CD96: variants seen among roughly 807,000 people sequenced by gnomAD.
CD96 encodes T-cell surface protein tactile.
CD96 carries 70 observed loss-of-function variants against 71.3 expected under a neutral mutation model. The observed-to-expected ratio is 0.98, with a 90% CI of 0.81 to 1.20. CD96 has a LOEUF of 1.20. Ranked by LOEUF, CD96 falls within the 50% of genes most tolerant of loss-of-function variation. CD96 has a pLI of 0.00. For synonymous variants in CD96, 248 were observed against 233.0 expected (o/e 1.06, Z -0.59); for missense variants, 742 against 677.5 (o/e 1.10, Z -1.06).
At chr3:111,640,097 C>T (rs145682886) in intron 12 of CD96, among the ~76,000 whole-genome samples, 2 of 152,128 alleles carry the variant, frequency 1.3e-5, no homozygotes, top group Non-Finnish European at 2.9e-5. Flanking sequence ...AAACAATCAT[C>T]CTAGTTCACC....
Position 111,596,181 on chromosome 3 carries a change from A to G in CD96, c.808-1939A>G, listed in dbSNP as rs1348203365. ...TGTCTCAAAAAAATAAATAAATAAAATGAATAAATAAAAATAAAAAAAGAA... is the reference window on the plus strand; with the variant it reads ...TGTCTCAAAAAAATAAATAAATAAAGTGAATAAATAAAAATAAAAAAAGAA... On this transcript the variant is annotated intron_variant, in intron 5 of 13. Coordinates refer to ENST00000352690, the MANE Select transcript of CD96 (RefSeq NM_005816.5). Among the ~76,000 whole-genome samples, 3 of 151,954 alleles carry G rather than the reference A, an allele frequency of 2.0e-5. No individual in the cohort carries two copies. The East Asian group carries it at 5.8e-4, about 29-fold the overall frequency.
At chr3:111,602,577 T>A (rs1003929008) in intron 7 of CD96, among the ~76,000 whole-genome samples, 2 of 152,222 alleles carry the variant, frequency 1.3e-5, no homozygotes, top group African/African-American at 4.8e-5. Context: ...TGTGACTGAC[T>A]TAGAAGATGT....
chr3:111,641,863 A>G (rs1029988878), intron 12 of CD96, among the ~76,000 whole-genome samples: 1 of 152,242 alleles, frequency 6.6e-6, no homozygotes, highest in Non-Finnish European at 1.5e-5. Context: ...AACCACGCAA[A>G]TACACGAAAA....
At chr3:111,561,908 G>A (rs1391234711) in intron 2 of CD96, among the ~76,000 whole-genome samples, 1 of 150,096 alleles carries the variant, frequency 6.7e-6, no homozygotes, top group Non-Finnish European at 1.5e-5. Flanking sequence ...ATATAGTCTC[G>A]TGGTGCGCCG....
At chr3:111,614,213 G>T (rs978445542) in intron 8 of CD96, among the ~76,000 whole-genome samples, 1 of 152,142 alleles carries the variant, frequency 6.6e-6, no homozygotes, top group Non-Finnish European at 1.5e-5. Context: ...ACTTGGAAAC[G>T]CTGGGATATG....
At chr3:111,652,746 C>T (rs1295317706), downstream of CD96, among the ~76,000 whole-genome samples, 1 of 152,014 alleles carries the variant, frequency 6.6e-6, no homozygotes, top group Admixed American at 6.6e-5. Flanking sequence ...AGAGGGGCTC[C>T]AGTTGCCTTT....
intron 2 of CD96, among the ~76,000 whole-genome samples, chr3:111,561,350 T>A (rs989219435): frequency 3.4e-5 from 5 of 148,962 alleles, no homozygotes; most frequent in Non-Finnish European, 7.5e-5. Context: ...TTATCTACTT[T>A]CGGTCTTTGA....
chr3:111,603,855 G>A (rs924014901), intron 7 of CD96, among the ~76,000 whole-genome samples: 4 of 152,202 alleles, frequency 2.6e-5, no homozygotes, highest in Admixed American at 1.3e-4. Flanking sequence ...TGTGGAAGAT[G>A]CCAGACAAAT....
intron 3 of CD96, among the ~76,000 whole-genome samples, chr3:111,572,136 TACA>T (rs995534626): frequency 1.6e-4 from 24 of 152,166 alleles, no homozygotes; most frequent in Admixed American, 1.6e-3. Context: ...TACCCGCACG[TACA>T]ACAATAGCAC....
chr3:111,644,606 C>T (rs903321806), intron 12 of CD96, among the ~76,000 whole-genome samples: 11 of 152,010 alleles, frequency 7.2e-5, no homozygotes, highest in African/African-American at 2.4e-4. Flanking sequence ...AAAACCTTCA[C>T]AATCTATACT....
chr3:111,624,519 A>G (rs1486183505), intron 10 of CD96, 115 bp downstream of exon 10: 1 of 740,648 alleles, frequency 1.4e-6, no homozygotes, highest in Non-Finnish European at 2.4e-6. Context: ...ATGTTCACAA[A>G]GCATCTATCA....
chr3:111,561,522 G>A (rs1325589811), intron 2 of CD96, among the ~76,000 whole-genome samples: 2 of 147,864 alleles, frequency 1.4e-5, no homozygotes, highest in Non-Finnish European at 3.0e-5. Flanking sequence ...AGGCTGCTCG[G>A]GGGTCAGGGG....
At chr3:111,612,252 TA>T (rs1428617897) in intron 8 of CD96, among the ~76,000 whole-genome samples, 2 of 152,122 alleles carry the variant, frequency 1.3e-5, no homozygotes, top group African/African-American at 4.8e-5. Flanking sequence ...CGAAGGTGGT[TA>T]AAAAAATGAT....
At chr3:111,562,759 C>T (rs61645432) in intron 2 of CD96, among the ~76,000 whole-genome samples, 4 of 152,212 alleles carry the variant, frequency 2.6e-5, no homozygotes, top group East Asian at 3.9e-4. Context: ...CATTTTGCTA[C>T]GCTCTTTTGG....
intron 8 of CD96, chr3:111,607,045 C>T (rs1207674211): frequency 1.7e-5 from 9 of 533,354 alleles, no homozygotes; most frequent in Non-Finnish European, 3.0e-5. Context: ...AATTTCAGAA[C>T]ATTTTCATCA....
At chr3:111,568,850 A>G (rs893274438) in intron 3 of CD96, among the ~76,000 whole-genome samples, 3 of 152,206 alleles carry the variant, frequency 2.0e-5, no homozygotes. Flanking sequence ...GTAAACCCCT[A>G]AAACTGTTAA....
intron 14 of CD96, among the ~76,000 whole-genome samples, chr3:111,661,619 C>A (rs1315636408): frequency 6.6e-6 from 1 of 152,204 alleles, no homozygotes; most frequent in African/African-American, 2.4e-5. Flanking sequence ...AGGCCCCATG[C>A]AAGTCTGAAC....
chr3:111,604,206 A>G (rs79048756), intron 7 of CD96, among the ~76,000 whole-genome samples: 5,490 of 152,250 alleles, frequency 0.036, 132 homozygotes, highest in South Asian at 0.078. Context: ...GGACAGACCC[A>G]TGGCTGCTGC....
intron 10 of CD96, among the ~76,000 whole-genome samples, chr3:111,628,584 A>G (rs1424175002): frequency 6.6e-6 from 1 of 152,174 alleles, no homozygotes; most frequent in African/African-American, 2.4e-5. Flanking sequence ...AATGGAACCA[A>G]CTTGGAAAAC....
Sources: allele counts gnomAD v4.1 joint callset (sites outside exome capture counted in the v4.1 genomes callset), GRCh38; gene constraint gnomAD v4.1.1; transcripts MANE v1.5; gene names NCBI Gene and HGNC (gene_info 2026-07-23, HGNC 2026-07-21).